ANO10: variants seen among roughly 807,000 people sequenced by gnomAD.
ANO10 encodes anoctamin 10, also known as anoctamin-10.
A neutral mutation model predicts 74.7 loss-of-function variants in ANO10; 77 were observed. The observed-to-expected ratio is 1.03, with a 90% CI of 0.86 to 1.25. The LOEUF (loss-of-function observed/expected upper bound fraction) is 1.25. Ranked by LOEUF, ANO10 falls within the 50% of genes most tolerant of loss-of-function variation. ANO10 has a pLI of 0.00. For missense variants in ANO10, 721 were observed against 778.1 expected, an observed-to-expected ratio of 0.93 and a Z score of 0.87; for synonymous variants, 279 against 284.9, an observed-to-expected ratio of 0.98 and a Z score of 0.21.
At position 43,576,821 on chromosome 3, in the gene ANO10, C is replaced by T. The variant is rs1046226208; in HGVS notation, c.1033G>A (p.Gly345Ser). 1.2e-6 allele frequency: 2 copies of T among 1,614,070 alleles called. No homozygotes were observed. Among genetic ancestry groups the T allele is most frequent in the Non-Finnish European group, 1.7e-6 (2 of 1,180,012 alleles). Reference protein sequence around the residue: ...IYFDMEVWALGLHENSGSEWT... With the variant: ...IYFDMEVWALSLHENSGSEWT... ...TCAGACCCGCTGTTCTCATGTAGAC[C>T]CAAGGCCCAAACCTCCATGTCGAAG... Residue 345 changes from glycine to serine, a missense_variant, in exon 6 of 13, where the codon GGT becomes AGT. Coordinates refer to ENST00000292246, the MANE Select transcript of ANO10 (RefSeq NM_018075.5).
At chr3:43,485,434 T>C (rs2076439809) in intron 11 of ANO10, among the ~76,000 whole-genome samples, 1 of 152,112 alleles carries the variant, frequency 6.6e-6, no homozygotes, top group African/African-American at 2.4e-5. Flanking sequence ...AGCTCAACAC[T>C]AGTCACTGGG....
At chr3:43,574,274 C>CTTT (rs561626586) in intron 7 of ANO10, among the ~76,000 whole-genome samples, 11 of 111,350 alleles carry the variant, frequency 9.9e-5, no homozygotes, top group African/African-American at 3.3e-4. Flanking sequence ...TCCTTTCTTT[C>CTTT]TTTTTTTTTT....
At chr3:43,546,514 A>C (rs922301712) in intron 11 of ANO10, among the ~76,000 whole-genome samples, 6 of 152,238 alleles carry the variant, frequency 3.9e-5, no homozygotes, top group African/African-American at 1.4e-4. Context: ...TGCCAAGACC[A>C]CGCATTAGAG....
Position 43,468,714 on chromosome 3 carries a change from C to G in ANO10, c.1798-35987G>C, listed in dbSNP as rs1323270114. 1.2e-4 allele frequency among the ~76,000 whole-genome samples: 17 copies of G among 141,418 alleles called. No homozygotes were observed. In the South Asian group the frequency reaches 3.9e-3, roughly 32 times the overall value. 92.8% of individuals were successfully genotyped at this position (141,418 alleles called of 152,430 possible). A position where few individuals can be genotyped will look rare whatever the true frequency, so the allele number is the denominator to read the frequency against. ...CAGTGGGTTTTCTTTTTTTTGTTTT[C>G]TTTTTTTTTTTTTTGAGACAGAGTC... On this transcript the variant is annotated intron_variant, in intron 11 of 12. Transcript: ENST00000292246.
intron 1 of ANO10, among the ~76,000 whole-genome samples, chr3:43,653,969 T>A (rs2083817996): frequency 6.6e-6 from 1 of 151,996 alleles, no homozygotes; most frequent in Non-Finnish European, 1.5e-5. Context: ...CACCTCCTTT[T>A]TCTGGCCCTT....
intron 11 of ANO10, among the ~76,000 whole-genome samples, chr3:43,433,739 A>G (rs141771630): frequency 4.6e-5 from 7 of 152,304 alleles, no homozygotes; most frequent in Admixed American, 6.5e-5. Flanking sequence ...GTTCAGATGT[A>G]TAGGCTCAAC....
intron 11 of ANO10, among the ~76,000 whole-genome samples, chr3:43,543,318 C>G (rs977736458): frequency 3.3e-5 from 5 of 152,204 alleles, no homozygotes; most frequent in African/African-American, 1.2e-4. Context: ...ACAAAAGAAC[C>G]TGGAAAGGCT....
chr3:43,497,247 G>A (rs1248702985), intron 11 of ANO10, among the ~76,000 whole-genome samples: 2 of 152,186 alleles, frequency 1.3e-5, no homozygotes, highest in Non-Finnish European at 2.9e-5. Flanking sequence ...AAAAGTCAGC[G>A]TGTGCACAGA....
intron 4 of ANO10, among the ~76,000 whole-genome samples, chr3:43,594,686 C>T (rs1410301718): frequency 2.6e-5 from 4 of 152,184 alleles, no homozygotes; most frequent in African/African-American, 9.7e-5. Flanking sequence ...GACACCCTAA[C>T]ATCACAATTA....
chr3:43,487,117 C>T lies in ANO10; in HGVS notation c.1798-54390G>A, dbSNP rs562612947. Among the ~76,000 whole-genome samples the T allele has an allele frequency of 4.4e-3, 633 of 145,040 alleles. 2 individuals carry two copies. The highest frequency in any genetic ancestry group is 6.8e-3 in the Non-Finnish European group (446 of 65,926). On this transcript the variant is annotated intron_variant, in intron 11 of 12. Transcript: ENST00000292246. The stretch of plus-strand genomic sequence containing the variant: ...ATGCTGGATTACATTTATTGATTTG[C>T]GTATATTGAACCAGCCTTGCATCCC...
At chr3:43,572,833 G>A (rs1378292694) in intron 7 of ANO10, among the ~76,000 whole-genome samples, 1 of 152,160 alleles carries the variant, frequency 6.6e-6, no homozygotes, top group Non-Finnish European at 1.5e-5. Context: ...ATTCTAGAAA[G>A]TGAGCAGTAA....
chr3:43,560,013 T>C (rs901383308), intron 9 of ANO10, among the ~76,000 whole-genome samples: 1 of 152,118 alleles, frequency 6.6e-6, no homozygotes, highest in Non-Finnish European at 1.5e-5. Flanking sequence ...AACACAGCAA[T>C]GACAGAAGGG....
chr3:43,495,164 A>C (rs917174153), intron 11 of ANO10, among the ~76,000 whole-genome samples: 4 of 152,080 alleles, frequency 2.6e-5, no homozygotes, highest in Non-Finnish European at 5.9e-5. Context: ...AAATGATATA[A>C]ATGACTATTT....
chr3:43,490,996 C>A (rs2076698913), intron 11 of ANO10, among the ~76,000 whole-genome samples: 1 of 152,106 alleles, frequency 6.6e-6, no homozygotes, highest in Non-Finnish European at 1.5e-5. Flanking sequence ...CTCAGGCATG[C>A]ATATTAAGAG....
chr3:43,677,674 G>A (rs574435549), intron 1 of ANO10, among the ~76,000 whole-genome samples: 1 of 152,188 alleles, frequency 6.6e-6, no homozygotes, highest in African/African-American at 2.4e-5. Flanking sequence ...GGGCGGGCTG[G>A]GAATTCAAAG....
intron 1 of ANO10, chr3:43,691,067 G>T: frequency 6.5e-7 from 1 of 1,529,704 alleles, no homozygotes; most frequent in East Asian, 2.7e-5. Flanking sequence ...GGGGCTTCGT[G>T]TGTCTCCGGC....
intron 11 of ANO10, among the ~76,000 whole-genome samples, chr3:43,444,188 T>C (rs1252830960): frequency 6.6e-6 from 1 of 152,064 alleles, no homozygotes; most frequent in Non-Finnish European, 1.5e-5. Context: ...GATGGGGTTG[T>C]CATTTGTCCC....
intron 12 of ANO10, among the ~76,000 whole-genome samples, chr3:43,386,876 G>A (rs2092136444): frequency 6.6e-6 from 1 of 152,128 alleles, no homozygotes; most frequent in East Asian, 1.9e-4. Context: ...TTTCCTAGGG[G>A]CAGGACTGAA....
chr3:43,624,595 C>A (rs940186450), upstream of ANO10, among the ~76,000 whole-genome samples: 1 of 152,202 alleles, frequency 6.6e-6, no homozygotes, highest in Non-Finnish European at 1.5e-5. Flanking sequence ...TTTCCTGAGG[C>A]CTTCCCAGAA....
Sources: gnomAD v4.1 joint callset for allele counts (sites outside exome capture counted in the v4.1 genomes callset) on GRCh38, gnomAD v4.1.1 for gene constraint, MANE v1.5 for transcripts, NCBI Gene and HGNC (gene_info 2026-07-23, HGNC 2026-07-21) for gene names.